The following FSTL4 variants were observed in gnomAD, a reference collection of about 807,000 sequenced individuals.
FSTL4 encodes the protein follistatin like 4, also known as follistatin-related protein 4.
A neutral mutation model predicts 78.2 loss-of-function variants in FSTL4; 28 were observed. The ratio of observed to expected loss-of-function variants is 0.36; its 90% CI spans 0.27 to 0.49. The LOEUF is 0.49. Among genes scored for constraint, FSTL4 ranks in the 20% least tolerant of loss-of-function variants. The pLI is 0.98. For missense variants in FSTL4, 922 were observed against 1,084.9 expected, an observed-to-expected ratio of 0.85 and a Z score of 2.11; for synonymous variants, 422 against 440.5, an observed-to-expected ratio of 0.96 and a Z score of 0.53.
intron 3 of FSTL4, among the ~76,000 whole-genome samples, chr5:133,566,195 A>G (rs1362184528): frequency 6.6e-6 from 1 of 151,876 alleles, no homozygotes; most frequent in Non-Finnish European, 1.5e-5. Flanking sequence ...GCAGCACACT[A>G]CCAGCTGGAC....
At chr5:133,716,783 T>C in the FSTL4 span, among the ~76,000 whole-genome samples, 1 of 152,238 alleles carries the variant, frequency 6.6e-6, no homozygotes, top group Non-Finnish European at 1.5e-5. Flanking sequence ...TAGTCTCTTA[T>C]AGTTAAATGG....
chr5:133,401,086 G>T, intron 3 of FSTL4, 100 bp from the exon 4 acceptor site: 1 of 1,395,356 alleles, frequency 7.2e-7, no homozygotes, highest in Non-Finnish European at 9.9e-7. Flanking sequence ...CCATTTGCCT[G>T]TGCAGCCAAG....
At chr5:133,526,536 A>G (rs1014986448) in intron 3 of FSTL4, among the ~76,000 whole-genome samples, 1 of 152,148 alleles carries the variant, frequency 6.6e-6, no homozygotes, top group Non-Finnish European at 1.5e-5. Context: ...TTTGGGCAGA[A>G]AAAAAGTGAG....
chr5:133,753,126 A>G, the FSTL4 span, among the ~76,000 whole-genome samples: 2 of 152,224 alleles, frequency 1.3e-5, no homozygotes, highest in African/African-American at 4.8e-5. Flanking sequence ...TTTTGTGGTC[A>G]AGACCAAAGT....
chr5:133,392,728 A>G (rs1378168007), intron 4 of FSTL4, among the ~76,000 whole-genome samples: 1 of 152,064 alleles, frequency 6.6e-6, no homozygotes, highest in South Asian at 2.1e-4. Context: ...CCAGCAACCA[A>G]CGGGACTGAG....
chr5:133,648,937 G>C, the FSTL4 span, among the ~76,000 whole-genome samples: 1 of 152,070 alleles, frequency 6.6e-6, no homozygotes, highest in East Asian at 1.9e-4. Flanking sequence ...TATGTGTTCA[G>C]ACAAATGTAA....
chr5:133,486,338 T>G (rs1183417495), intron 3 of FSTL4, among the ~76,000 whole-genome samples: 6 of 117,226 alleles, frequency 5.1e-5, no homozygotes, highest in Admixed American at 9.7e-5. Flanking sequence ...TGAAGGAGAG[T>G]GATGAAGAGC....
At chr5:133,670,020 C>G in the FSTL4 span, among the ~76,000 whole-genome samples, 2 of 152,132 alleles carry the variant, frequency 1.3e-5, no homozygotes, top group African/African-American at 2.4e-5. Flanking sequence ...CCCTCAAGAC[C>G]CCTGTGTTTG....
At chr5:133,572,986 T>A (rs1760192799) in intron 2 of FSTL4, among the ~76,000 whole-genome samples, 1 of 152,142 alleles carries the variant, frequency 6.6e-6, no homozygotes, top group South Asian at 2.1e-4. Context: ...GACTCATGCA[T>A]GTAATCCCAG....
chr5:133,380,368 C>T (rs1379861598), intron 4 of FSTL4, among the ~76,000 whole-genome samples: 1 of 151,844 alleles, frequency 6.6e-6, no homozygotes, highest in African/African-American at 2.4e-5. Context: ...TTACTACTGA[C>T]TTTACAAAAT....
the FSTL4 span, among the ~76,000 whole-genome samples, chr5:133,685,658 GAGCCCTCTTGGGCACCC>G: frequency 6.6e-6 from 1 of 152,220 alleles, no homozygotes; most frequent in Non-Finnish European, 1.5e-5. Context: ...TGGGATTCTT[GAGCCCTCTTGGGCACCC>G]ACAACATGAT....
At chr5:133,388,576 C>T (rs899552035) in intron 4 of FSTL4, 2 of 133,154 alleles carry the variant, frequency 1.5e-5, no homozygotes, top group African/African-American at 5.3e-5. Flanking sequence ...CAGTGCAACA[C>T]CAGGTAGGAC....
intron 6 of FSTL4, among the ~76,000 whole-genome samples, chr5:133,280,679 C>A (rs1340361949): frequency 6.6e-6 from 1 of 152,090 alleles, no homozygotes; most frequent in Non-Finnish European, 1.5e-5. Context: ...TCCTCCAAAA[C>A]CAAGGCCCAC....
rs566492922 is a variant in FSTL4, at chr5:133,573,113, G to T, written c.127-5894C>A. 6.6e-5 allele frequency among the ~76,000 whole-genome samples: 10 copies of T among 151,956 alleles called. No individual in the cohort carries two copies. The South Asian group carries it at 2.1e-3, about 32-fold the overall frequency. On this transcript the variant is annotated intron_variant, in intron 2 of 15. Coordinates refer to ENST00000265342, the MANE Select transcript of FSTL4 (RefSeq NM_015082.2). ...CAAAAAATTAGACAGGCATGGTGGT[G>T]GGCACCTGCAGTCCTAGCTACTTGG...
the FSTL4 span, among the ~76,000 whole-genome samples, chr5:133,774,945 T>C: frequency 6.6e-6 from 1 of 152,042 alleles, no homozygotes; most frequent in Non-Finnish European, 1.5e-5. Context: ...AAGAATGCAA[T>C]AGTCTAGAAT....
At chr5:133,371,719 G>A (rs773806009) in intron 4 of FSTL4, among the ~76,000 whole-genome samples, 8 of 152,234 alleles carry the variant, frequency 5.3e-5, no homozygotes, top group Non-Finnish European at 8.8e-5. Context: ...TGGTTTCAGC[G>A]ATCACTGGGC....
At chr5:133,683,878 G>A in the FSTL4 span, among the ~76,000 whole-genome samples, 22 of 152,206 alleles carry the variant, frequency 1.4e-4, no homozygotes, top group Admixed American at 3.9e-4. Context: ...CTGCTGGGGC[G>A]AAGGTGGGTG....
chr5:133,554,299 C>T (rs555725778), intron 3 of FSTL4, among the ~76,000 whole-genome samples: 23 of 152,272 alleles, frequency 1.5e-4, no homozygotes, highest in African/African-American at 5.3e-4. Context: ...GTGGTGGGCA[C>T]ATCTAGTGCT....
chr5:133,225,251 C>A lies in FSTL4; in HGVS notation c.1211G>T (p.Arg404Leu). 1.2e-6 allele frequency: 2 copies of A among 1,614,172 alleles called. No individual in the cohort carries two copies. The highest frequency in any genetic ancestry group is 1.7e-6 in the Non-Finnish European group (2 of 1,180,016). Reference sequence around the variant, plus strand: ...GGTGTATGCCCCTGTGTCTTCATACCGAACACTGCTGATGTGGAGTTCGCT... The same window carrying A: ...GGTGTATGCCCCTGTGTCTTCATACAGAACACTGCTGATGTGGAGTTCGCT... Reference protein sequence around the residue: ...NGSELHISSVRYEDTGAYTCI... With the variant: ...NGSELHISSVLYEDTGAYTCI... The change falls in exon 10 of 16, where the codon CGG becomes CTG. Residue 404 changes from arginine (R) to leucine (L), a missense_variant. By Grantham distance (102) the Arg-to-Leu change is moderately radical. Coordinates refer to ENST00000265342, the MANE Select transcript of FSTL4 (RefSeq NM_015082.2). The surrounding 1 kb of genome is among the most constrained non-coding windows in gnomAD (Gnocchi z 4.6).
Sources: allele counts gnomAD v4.1 joint callset (sites outside exome capture counted in the v4.1 genomes callset), GRCh38; gene constraint gnomAD v4.1.1; non-coding constraint Gnocchi (gnomAD v3.1); transcripts MANE v1.5; gene names NCBI Gene and HGNC (gene_info 2026-07-23, HGNC 2026-07-21).